The following PCDHGA6 variants were observed in gnomAD, a reference collection of about 807,000 sequenced individuals.
The protein encoded by PCDHGA6 is protocadherin gamma subfamily A, 6.
Under a neutral mutation model 60.6 loss-of-function variants are expected in PCDHGA6, and 41 were observed. The observed-to-expected ratio is 0.68, with a 90% confidence interval of 0.53 to 0.88. The LOEUF is 0.88. Ranked by LOEUF, PCDHGA6 falls within the 40% of genes least tolerant of loss-of-function variation. PCDHGA6 has a pLI of 0.00. For missense variants in PCDHGA6, 1,312 were observed against 1,203.0 expected (o/e 1.09, Z -1.34); for synonymous variants, 594 against 524.4 (o/e 1.13, Z -1.81).
intron 1 of PCDHGA6, chr5:141,409,865 C>A: frequency 6.2e-7 from 1 of 1,612,574 alleles, no homozygotes; most frequent in Non-Finnish European, 8.5e-7. Flanking sequence ...GGTGGGAGAC[C>A]GCAATGACAA....
At chr5:141,390,324 A>G in intron 1 of PCDHGA6, 2 of 1,605,484 alleles carry the variant, frequency 1.2e-6, no homozygotes, top group East Asian at 4.5e-5. Flanking sequence ...TTGCCTACCC[A>G]TTTCTCCATA....
At chr5:141,422,786 C>T in intron 1 of PCDHGA6, 1 of 1,614,178 alleles carries the variant, frequency 6.2e-7, no homozygotes, top group Non-Finnish European at 8.5e-7. Context: ...GCCCTACAAT[C>T]CTTCGACTAT....
chr5:141,477,229 C>T lies in PCDHGA6; in HGVS notation c.2425-17578C>T. ...AGGATGCCCCTCTGGGGACTGTCAT[C>T]GCTTTGCTCAGTGTGACTGACCTGG... On this transcript the variant is annotated intron_variant, in intron 1 of 3. Transcript: ENST00000517434. The surrounding 1 kb of genome is among the most constrained non-coding windows in gnomAD (Gnocchi z 4.9). 6.2e-7 allele frequency: 1 copy of T among 1,614,222 alleles called. No homozygotes were observed. Among genetic ancestry groups the T allele is most frequent in the Non-Finnish European group, 8.5e-7 (1 of 1,180,052 alleles).
intron 1 of PCDHGA6, chr5:141,423,653 G>A: frequency 6.3e-7 from 1 of 1,578,174 alleles, no homozygotes. Context: ...GACCCGACAA[G>A]TAATCAGGTG....
rs1478749716 is a variant in PCDHGA6, at chr5:141,375,719, G to C, written c.1636G>C (p.Val546Leu). Residue 546 changes from valine to leucine, a missense_variant, in exon 1 of 4, where the codon GTG becomes CTG. Val to Leu is a conservative substitution (Grantham distance 32). Transcript: ENST00000517434. The stretch of plus-strand genomic sequence containing the variant: ...CGGGGACCCGCCTCTTAGCAGCAAC[G>C]TGTCACTGAGCCTGTTTGTGCTGGA... ...DSGDPPLSSN[V>L]SLSLFVLDQN... 6.2e-7 allele frequency: 1 copy of C among 1,614,262 alleles called. No homozygotes were observed. The highest frequency in any genetic ancestry group is 1.1e-5 in the South Asian group (1 of 91,092).
intron 1 of PCDHGA6, chr5:141,377,314 A>G (rs890147019): frequency 5.3e-5 from 8 of 152,110 alleles, no homozygotes; most frequent in African/African-American, 1.9e-4. Flanking sequence ...AAAGATCAAG[A>G]TCTTGGTTTT....
At chr5:141,409,831 C>A (rs1015263434) in intron 1 of PCDHGA6, 1 of 1,611,128 alleles carries the variant, frequency 6.2e-7, no homozygotes, top group African/African-American at 1.3e-5. Flanking sequence ...CCACGCTCAG[C>A]GCCAACGTGA....
At chr5:141,398,328 C>G in intron 1 of PCDHGA6, 7 of 1,353,010 alleles carry the variant, frequency 5.2e-6, no homozygotes, top group Non-Finnish European at 7.2e-6. Context: ...GAAAACTGCG[C>G]GTCAGTTCGG....
chr5:141,383,611 C>A lies in PCDHGA6; in HGVS notation c.2424+7104C>A, dbSNP rs757490099. ...GGTGACAGTGGTGGATGTGAATGAC[C>A]ACACGCCTGTCTTCTCTCTGCCTCA... On this transcript the variant is annotated intron_variant, in intron 1 of 3. Coordinates refer to ENST00000517434, the MANE Select transcript of PCDHGA6 (RefSeq NM_018919.3). 8 of 1,613,656 alleles carry A rather than the reference C, an allele frequency of 5.0e-6. No individual in the cohort carries two copies. The Admixed American group carries it at 1.3e-4, about 27-fold the overall frequency.
At position 141,486,108 on chromosome 5, in the gene PCDHGA6, G is replaced by A. The variant is rs1184123075; in HGVS notation, c.2425-8699G>A. ...CTTTTGGGGCCCCTAGACTTTGAGA[G>A]TGAGAATTACTATGAATTTGATGTG... On this transcript the variant is annotated intron_variant, in intron 1 of 3. Coordinates refer to ENST00000517434, the MANE Select transcript of PCDHGA6 (RefSeq NM_018919.3). The surrounding 1 kb of genome is among the most constrained non-coding windows in gnomAD (Gnocchi z 5.0). 6 of 1,614,206 alleles carry A rather than the reference G, an allele frequency of 3.7e-6. No individual in the cohort carries two copies. Among genetic ancestry groups the A allele is most frequent in the South Asian group, 3.3e-5 (3 of 91,084 alleles).
chr5:141,403,530 AG>A (rs1303990777), intron 1 of PCDHGA6: 2 of 1,613,988 alleles, frequency 1.2e-6, no homozygotes. Context: ...ATAAACCCAG[AG>A]CTGGTGCTGG....
intron 1 of PCDHGA6, chr5:141,399,620 C>T: frequency 6.2e-7 from 1 of 1,613,940 alleles, no homozygotes; most frequent in Non-Finnish European, 8.5e-7. Flanking sequence ...CTGGCACTGG[C>T]CTCTTACGTG....
intron 1 of PCDHGA6, chr5:141,409,251 C>T (rs2095247124): frequency 6.2e-7 from 1 of 1,613,922 alleles, no homozygotes; most frequent in Non-Finnish European, 8.5e-7. Context: ...ATAATCATCA[C>T]TTCTCTCTCT....
chr5:141,388,647 G>A lies in PCDHGA6; in HGVS notation c.2424+12140G>A, dbSNP rs778996768. ...ATACAGGGTGAGCCTTTCAGAAAAC[G>A]TGTACCCGGGGACCACGGTGCTACA... On this transcript the variant is annotated intron_variant, in intron 1 of 3. Coordinates refer to ENST00000517434, the MANE Select transcript of PCDHGA6 (RefSeq NM_018919.3). The A allele has an allele frequency of 6.8e-6, 11 of 1,613,892 alleles. No homozygotes were observed. The Admixed American group carries it at 1.0e-4, about 15-fold the overall frequency.
At chr5:141,498,632 A>G (rs2099784830) in intron 2 of PCDHGA6, among the ~76,000 whole-genome samples, 1 of 152,118 alleles carries the variant, frequency 6.6e-6, no homozygotes, top group South Asian at 2.1e-4. Context: ...CACTGCCTAG[A>G]CAGAAGGAAG....
intron 1 of PCDHGA6, chr5:141,426,675 C>T: frequency 2.3e-6 from 1 of 431,942 alleles, no homozygotes; most frequent in South Asian, 1.6e-5. Flanking sequence ...TAACCCACCT[C>T]ATTTTCCCCA....
intron 1 of PCDHGA6, chr5:141,423,881 G>A (rs2096788712): frequency 7.8e-7 from 1 of 1,281,784 alleles, no homozygotes; most frequent in Non-Finnish European, 9.9e-7. Flanking sequence ...TTCAATCTTG[G>A]CATATTTTCT....
At chr5:141,388,706 TGCC>T (rs2091460898) in intron 1 of PCDHGA6, 2 of 1,613,856 alleles carry the variant, frequency 1.2e-6, no homozygotes, top group Non-Finnish European at 1.7e-6. Flanking sequence ...AGGGTGTCAA[TGCC>T]GAGATTACTT....
At chr5:141,393,671 A>G in intron 1 of PCDHGA6, 1 of 1,613,944 alleles carries the variant, frequency 6.2e-7, no homozygotes, top group Non-Finnish European at 8.5e-7. Flanking sequence ...AAATTAATGA[A>G]AAACAAACTC....
Sources: gnomAD v4.1 joint callset for allele counts (sites outside exome capture counted in the v4.1 genomes callset) on GRCh38, gnomAD v4.1.1 for gene constraint, Gnocchi (gnomAD v3.1) non-coding constraint, MANE v1.5 for transcripts, NCBI Gene and HGNC (gene_info 2026-07-23, HGNC 2026-07-21) for gene names.